Variants in SH3GL2 observed in about 807,000 individuals in gnomAD.
SH3GL2 encodes SH3 domain containing GRB2 like 2, endophilin A1, also known as endophilin-A1.
A neutral mutation model predicts 46.0 loss-of-function variants in SH3GL2; 24 were observed. The observed-to-expected ratio is 0.52, with a 90% CI of 0.38 to 0.73. SH3GL2 has a LOEUF of 0.73. Ranked by LOEUF, SH3GL2 falls within the 30% of genes least tolerant of loss-of-function variation. The probability of loss-of-function intolerance (pLI) is 0.00; values close to 1 mark genes in which losing one functional copy is unlikely to be tolerated. For missense variants in SH3GL2, 413 were observed against 424.2 expected, an observed-to-expected ratio of 0.97 and a Z score of 0.23; for synonymous variants, 196 against 147.1, an observed-to-expected ratio of 1.33 and a Z score of -2.40.
At chr9:17,688,672 A>G (rs894844197) in intron 1 of SH3GL2, among the ~76,000 whole-genome samples, 2 of 152,016 alleles carry the variant, frequency 1.3e-5, no homozygotes, top group African/African-American at 4.8e-5. Context: ...ACTCCAGAGA[A>G]CATGCTGATG....
intron 1 of SH3GL2, among the ~76,000 whole-genome samples, chr9:17,655,037 A>G (rs1820042080): frequency 1.3e-5 from 2 of 152,142 alleles, no homozygotes; most frequent in Non-Finnish European, 2.9e-5. Context: ...TGTGTGAAAA[A>G]TCCCTCAGCA....
chr9:17,788,131 C>T (rs1298745108), intron 5 of SH3GL2, among the ~76,000 whole-genome samples: 1 of 151,914 alleles, frequency 6.6e-6, no homozygotes, highest in Non-Finnish European at 1.5e-5. Flanking sequence ...ATTTGTTGAG[C>T]TTTTTTGAAA....
At chr9:17,642,810 T>A (rs1819716946) in intron 1 of SH3GL2, among the ~76,000 whole-genome samples, 1 of 152,220 alleles carries the variant, frequency 6.6e-6, no homozygotes, top group Non-Finnish European at 1.5e-5. Flanking sequence ...TTGTTTTTGC[T>A]TAGGATTGTC....
intron 1 of SH3GL2, among the ~76,000 whole-genome samples, chr9:17,640,148 A>C (rs1316305189): frequency 1.3e-5 from 2 of 151,856 alleles, no homozygotes; most frequent in Non-Finnish European, 2.9e-5. Flanking sequence ...TTTGTCATTA[A>C]TTTGTAAAAT....
rs374335524 is a variant in SH3GL2, at chr9:17,730,243, C to G, written c.46-16823C>G. 3.9e-5 allele frequency among the ~76,000 whole-genome samples: 6 copies of G among 152,060 alleles called. No individual in the cohort carries two copies. The East Asian group carries it at 7.7e-4, about 20-fold the overall frequency. On this transcript the variant is annotated intron_variant, in intron 1 of 8. Coordinates refer to ENST00000380607, the MANE Select transcript of SH3GL2 (RefSeq NM_003026.5). ...TAGCAATTGTGAATGGGAGTTTACT[C>G]ATGATTGGGCTCACTGTCTATTATT... is the stretch of plus-strand genomic sequence containing the variant.
rs147194349 is a variant in SH3GL2, at chr9:17,731,663, C to G, written c.46-15403C>G. On this transcript the variant is annotated intron_variant, in intron 1 of 8. Transcript: ENST00000380607. Reference sequence around the variant, plus strand: ...TCTATTGTTTAAGCTTACCCGGTCTCTGGTATTTTGTTATGACAGCCCAAG... The same window carrying G: ...TCTATTGTTTAAGCTTACCCGGTCTGTGGTATTTTGTTATGACAGCCCAAG... 2.7e-4 allele frequency among the ~76,000 whole-genome samples: 41 copies of G among 152,224 alleles called. No individual in the cohort carries two copies. In the East Asian group the frequency reaches 4.5e-3, roughly 17 times the overall value.
chr9:17,597,940 G>A (rs749428397), intron 1 of SH3GL2, among the ~76,000 whole-genome samples: 4 of 152,284 alleles, frequency 2.6e-5, no homozygotes, highest in Non-Finnish European at 5.9e-5. Context: ...TGAGTTTTAG[G>A]TATAGAGAGA....
chr9:17,616,154 T>C (rs1818990796), intron 1 of SH3GL2, among the ~76,000 whole-genome samples: 1 of 152,212 alleles, frequency 6.6e-6, no homozygotes, highest in African/African-American at 2.4e-5. Flanking sequence ...CTAAGCTGTT[T>C]GTGTACAGGA....
At chr9:17,722,084 A>G (rs978971134) in intron 1 of SH3GL2, among the ~76,000 whole-genome samples, 1 of 152,004 alleles carries the variant, frequency 6.6e-6, no homozygotes, top group African/African-American at 2.4e-5. Flanking sequence ...TGTAAACTCT[A>G]CTTTGGAGGA....
chr9:17,685,286 A>C (rs1588237903), intron 1 of SH3GL2, among the ~76,000 whole-genome samples: 1 of 152,234 alleles, frequency 6.6e-6, no homozygotes, highest in Non-Finnish European at 1.5e-5. Context: ...TTGGTGCTGC[A>C]TTCTTGAGGC....
chr9:17,610,960 G>A (rs1818852303), intron 1 of SH3GL2, among the ~76,000 whole-genome samples: 1 of 152,186 alleles, frequency 6.6e-6, no homozygotes, highest in Non-Finnish European at 1.5e-5. Flanking sequence ...TAGAGAAGAT[G>A]TGAGTGCCAA....
At chr9:17,601,277 A>G (rs1818666688) in intron 1 of SH3GL2, among the ~76,000 whole-genome samples, 1 of 152,114 alleles carries the variant, frequency 6.6e-6, no homozygotes, top group South Asian at 2.1e-4. Flanking sequence ...TTACTAAAGG[A>G]CATACAGCAA....
intron 1 of SH3GL2, among the ~76,000 whole-genome samples, chr9:17,686,967 C>T (rs921269745): frequency 4.0e-5 from 6 of 151,420 alleles, no homozygotes; most frequent in South Asian, 4.2e-4. Flanking sequence ...GTGGGAAGAT[C>T]GACAGTGGAA....
intron 1 of SH3GL2, among the ~76,000 whole-genome samples, chr9:17,650,906 A>C (rs1463703256): frequency 1.3e-5 from 2 of 152,172 alleles, no homozygotes. Flanking sequence ...CCTTAATGCT[A>C]GAACAATAGG....
chr9:17,669,041 T>C (rs1356363405), intron 1 of SH3GL2, among the ~76,000 whole-genome samples: 1 of 152,142 alleles, frequency 6.6e-6, no homozygotes, highest in Non-Finnish European at 1.5e-5. Flanking sequence ...TGTATATGAG[T>C]CTATTTTTGG....
intron 2 of SH3GL2, among the ~76,000 whole-genome samples, chr9:17,759,740 A>T (rs1011922209): frequency 6.6e-6 from 1 of 152,150 alleles, no homozygotes; most frequent in Non-Finnish European, 1.5e-5. Flanking sequence ...TGACATCAGG[A>T]TATCAAACAG....
chr9:17,689,125 T>A (rs1821002474), intron 1 of SH3GL2, among the ~76,000 whole-genome samples: 1 of 152,058 alleles, frequency 6.6e-6, no homozygotes, highest in Non-Finnish European at 1.5e-5. Flanking sequence ...ACTTCACCTC[T>A]GTGGTCTTCC....
chr9:17,764,359 A>G (rs1823260921), intron 3 of SH3GL2, among the ~76,000 whole-genome samples: 1 of 152,242 alleles, frequency 6.6e-6, no homozygotes, highest in African/African-American at 2.4e-5. Context: ...TAGAGCCCAG[A>G]CCAGGTAACT....
chr9:17,651,370 A>G (rs1313023238), intron 1 of SH3GL2, among the ~76,000 whole-genome samples: 1 of 152,170 alleles, frequency 6.6e-6, no homozygotes, highest in African/African-American at 2.4e-5. Context: ...TATTTAGGGA[A>G]TTTTAAATGT....
Sources: gnomAD v4.1 joint callset for allele counts (sites outside exome capture counted in the v4.1 genomes callset) on GRCh38, gnomAD v4.1.1 for gene constraint, MANE v1.5 for transcripts, NCBI Gene and HGNC (gene_info 2026-07-23, HGNC 2026-07-21) for gene names.